Variants in NUDC observed in about 807,000 individuals in gnomAD.
The protein encoded by NUDC is nuclear migration protein nudC.
In NUDC, 14 loss-of-function variants were observed where a neutral mutation model predicts 45.0. The observed-to-expected ratio is 0.31, with a 90% confidence interval of 0.21 to 0.49. The LOEUF (loss-of-function observed/expected upper bound fraction) is 0.49. Ranked by LOEUF, NUDC falls within the 20% of genes least tolerant of loss-of-function variation. NUDC has a pLI of 0.99. For missense variants in NUDC, 323 were observed against 426.2 expected, an observed-to-expected ratio of 0.76 and a Z score of 2.13; for synonymous variants, 153 against 156.7, an observed-to-expected ratio of 0.98 and a Z score of 0.17.
chr1:26,945,522 C>G (rs962155513), intron 7 of NUDC, 46 bp from the exon 8 acceptor site: 4 of 1,611,024 alleles, frequency 2.5e-6, no homozygotes, highest in Admixed American at 1.7e-5. Context: ...TGAGGGGCCT[C>G]GTTGTTTCCA....
intron 8 of NUDC, 74 bp downstream of exon 8, chr1:26,945,760 G>C: frequency 1.6e-5 from 17 of 1,031,336 alleles, no homozygotes; most frequent in Non-Finnish European, 2.5e-5. Context: ...GCAGTGAGTG[G>C]ATCACTGCGC....
In NUDC at chr1:26,911,666, G is replaced by T. The variant is rs188607614; in HGVS notation, c.93+431G>T. ...GCCTCCCAGGCAGCTGGAACACTGT[G>T]TCCAAACCAAGGAAGTCCAATGTGG... On this transcript the variant is annotated intron_variant, in intron 3 of 6. Transcript: ENST00000435827. The T allele has an allele frequency of 2.4e-3, 1,751 of 733,088 alleles. 3 individuals are homozygous for T. The highest frequency in any genetic ancestry group is 3.4e-3 in the Non-Finnish European group (1,430 of 425,970). The allele number at this position is 733,088 out of a possible 1,614,324, so 45.4% of individuals were successfully genotyped here.
At chr1:26,906,898 G>T (rs934071383) in intron 2 of NUDC, among the ~76,000 whole-genome samples, 4 of 152,066 alleles carry the variant, frequency 2.6e-5, no homozygotes, top group African/African-American at 9.7e-5. Flanking sequence ...TGTTAATGTG[G>T]TTATAGTTTA....
In NUDC at chr1:26,924,092, G is replaced by T; in HGVS notation, c.85G>T (p.Val29Leu). 1 of 1,614,044 alleles carries T rather than the reference G, an allele frequency of 6.2e-7. No individual in the cohort carries two copies. The highest frequency in any genetic ancestry group is 8.5e-7 in the Non-Finnish European group (1 of 1,179,946). Reference sequence around the variant, plus strand: ...TAATCTTCTCCCCCTCTTTCAGCTTGTGAACACCTTCTTCAGCTTCCTTCG... The same window carrying T: ...TAATCTTCTCCCCCTCTTTCAGCTTTTGAACACCTTCTTCAGCTTCCTTCG... ...QQHEGGVQELVNTFFSFLRRK... is the reference protein window; with the variant it reads ...QQHEGGVQELLNTFFSFLRRK... Residue 29 changes from valine (V) to leucine (L), a missense_variant, in exon 2 of 9, where the codon GTG becomes TTG. By Grantham distance (32) the Val-to-Leu change is conservative. This residue lies in a region of NUDC where 24 missense variants were observed against 47.2 expected (regional missense o/e 0.51). Transcript: ENST00000321265.
At chr1:26,901,397 CTTTTTT>C (rs34988488) in intron 1 of NUDC, among the ~76,000 whole-genome samples, 8 of 73,620 alleles carry the variant, frequency 1.1e-4, no homozygotes, top group African/African-American at 4.0e-4. Flanking sequence ...GCCTTTTTGT[CTTTTTT>C]TTTTTTTTTT....
intron 1 of NUDC, chr1:26,922,233 C>T (rs2082097618): frequency 2.0e-6 from 1 of 495,658 alleles, no homozygotes; most frequent in Non-Finnish European, 3.7e-6. Context: ...TTCCAAGGAG[C>T]ATCCCTTAGT....
intron 8 of NUDC, 136 bp downstream of exon 8, chr1:26,945,822 C>A: frequency 1.2e-6 from 1 of 805,720 alleles, no homozygotes; most frequent in Non-Finnish European, 2.2e-6. Context: ...GGCTTTATGG[C>A]TTTGGCTTGC....
chr1:26,921,783 C>T lies in NUDC; in HGVS notation c.-66C>T, dbSNP rs546782018. The T allele has an allele frequency of 1.8e-4, 276 of 1,510,554 alleles. 3 individuals carry two copies. The African/African-American group carries it at 3.6e-3, about 20-fold the overall frequency. The allele number at this position is 1,510,554 out of a possible 1,614,324, so 93.6% of individuals were successfully genotyped here. On this transcript the variant is annotated 5_prime_UTR_variant, in exon 1 of 9. Coordinates refer to ENST00000321265, the MANE Select transcript of NUDC (RefSeq NM_006600.4). ...CTAGAGTCGTTGGGCCCGGCGCGAC[C>T]CGCAGGAGCGTAGAGAGCGCGGGAC...
intron 3 of NUDC, among the ~76,000 whole-genome samples, chr1:26,913,179 G>A (rs559143364): frequency 1.1e-4 from 17 of 152,180 alleles, no homozygotes; most frequent in African/African-American, 2.6e-4. Context: ...CCAGCTACTC[G>A]GGAGGCTGAG....
chr1:26,921,771 GC>G lies in NUDC; in HGVS notation c.-75del. On this transcript the variant is annotated 5_prime_UTR_variant, in exon 1 of 9. Coordinates refer to ENST00000321265, the MANE Select transcript of NUDC (RefSeq NM_006600.4). Reference sequence around the variant, plus strand: ...GAAGGCGGACGACTAGAGTCGTTGGGCCCGGCGCGACCCGCAGGAGCGTAGA... The same window carrying G: ...GAAGGCGGACGACTAGAGTCGTTGGGCCGGCGCGACCCGCAGGAGCGTAGA... 6.8e-7 allele frequency: 1 copy of G among 1,470,648 alleles called. No homozygotes were observed. The highest frequency in any genetic ancestry group is 1.2e-5 in the South Asian group (1 of 82,360). The allele number at this position is 1,470,648 out of a possible 1,614,324, so 91.1% of individuals were successfully genotyped here. A position where few individuals can be genotyped will look rare whatever the true frequency, so the allele number is the denominator to read the frequency against.
upstream of NUDC, among the ~76,000 whole-genome samples, chr1:26,917,818 G>A (rs1305174065): frequency 1.3e-5 from 2 of 151,614 alleles, no homozygotes; most frequent in East Asian, 1.9e-4. Flanking sequence ...CCTGGGAAGC[G>A]GAAGTTGCAG....
chr1:26,944,270 G>A (rs1305906712), intron 6 of NUDC, among the ~76,000 whole-genome samples: 2 of 152,002 alleles, frequency 1.3e-5, no homozygotes, highest in South Asian at 2.1e-4. Context: ...ATGCAGTGGC[G>A]CAATCACGGC....
At chr1:26,925,982 G>A (rs910717346) in intron 2 of NUDC, among the ~76,000 whole-genome samples, 7 of 151,708 alleles carry the variant, frequency 4.6e-5, no homozygotes, top group South Asian at 2.1e-4. Context: ...TTGGCCTCCC[G>A]AAGTGCTGGG....
chr1:26,916,936 C>T (rs907948751), upstream of NUDC, among the ~76,000 whole-genome samples: 5 of 151,982 alleles, frequency 3.3e-5, no homozygotes, highest in Non-Finnish European at 7.4e-5. Flanking sequence ...GCCTGGGCAA[C>T]AGAGTGAGAC....
chr1:26,933,613 C>G (rs2082201385), intron 2 of NUDC, among the ~76,000 whole-genome samples: 1 of 151,586 alleles, frequency 6.6e-6, no homozygotes, highest in Non-Finnish European at 1.5e-5. Flanking sequence ...GGGGTTTCAC[C>G]ATGTTGGCCA....
chr1:26,905,520 T>C (rs1471148250), intron 2 of NUDC, among the ~76,000 whole-genome samples: 1 of 152,136 alleles, frequency 6.6e-6, no homozygotes, highest in African/African-American at 2.4e-5. Context: ...GACATCTGGC[T>C]AGGGGCAGTA....
At chr1:26,930,577 G>A (rs533849244) in intron 2 of NUDC, among the ~76,000 whole-genome samples, 1 of 152,216 alleles carries the variant, frequency 6.6e-6, no homozygotes, top group African/African-American at 2.4e-5. Flanking sequence ...AAGAGTGGTG[G>A]CACAAGCCTG....
intron 2 of NUDC, among the ~76,000 whole-genome samples, chr1:26,936,054 C>T (rs182050989): frequency 0.021 from 2,986 of 140,020 alleles, 45 homozygotes; most frequent in Non-Finnish European, 0.031. Context: ...CTGCAGCCTC[C>T]GCCTCCTGAG....
chr1:26,914,386 G>GGCCTTGAATGCAAGGCCCAACCTGGAAGT (rs2082049816), intron 3 of NUDC, among the ~76,000 whole-genome samples: 4 of 152,176 alleles, frequency 2.6e-5, no homozygotes, highest in African/African-American at 9.6e-5. Context: ...GAGCTGGGTG[G>GGCCTTGAATGCAAGGCCCAACCTGGAAGT]GCCTTGAATG....
Sources: allele counts gnomAD v4.1 joint callset (sites outside exome capture counted in the v4.1 genomes callset), GRCh38; gene constraint gnomAD v4.1.1; regional missense constraint gnomAD v4.1.1; transcripts MANE v1.5; gene names NCBI Gene and HGNC (gene_info 2026-07-23, HGNC 2026-07-21).